The following TTC23 variants were observed in gnomAD, a reference collection of about 807,000 sequenced individuals.
TTC23 encodes the protein tetratricopeptide repeat domain 23.
In TTC23, 58 loss-of-function variants were observed where a neutral mutation model predicts 55.1. The ratio of observed to expected loss-of-function variants is 1.05; its 90% CI spans 0.85 to 1.31. The LOEUF (loss-of-function observed/expected upper bound fraction) is 1.31. Ranked by LOEUF, TTC23 falls within the 50% of genes most tolerant of loss-of-function variation. TTC23 has a pLI of 0.00. For synonymous variants in TTC23, 203 were observed against 199.9 expected, an observed-to-expected ratio of 1.02 and a Z score of -0.13; for missense variants, 516 against 534.4, an observed-to-expected ratio of 0.97 and a Z score of 0.34.
At chr15:99,178,500 C>G (rs993214539) in intron 9 of TTC23, among the ~76,000 whole-genome samples, 1 of 152,164 alleles carries the variant, frequency 6.6e-6, no homozygotes, top group Non-Finnish European at 1.5e-5. Context: ...AACTTATGTT[C>G]ATTTTTAAAT....
intron 11 of TTC23, chr15:99,159,776 C>G (rs985366260): frequency 1.3e-5 from 2 of 152,224 alleles, no homozygotes; most frequent in Non-Finnish European, 2.9e-5. Flanking sequence ...GTGGTCAGAT[C>G]TGCTTTTTGG....
intron 9 of TTC23, among the ~76,000 whole-genome samples, chr15:99,198,847 T>C (rs1214777497): frequency 6.6e-6 from 1 of 152,238 alleles, no homozygotes; most frequent in Non-Finnish European, 1.5e-5. Context: ...TGTCACTGTA[T>C]CTCACTTCAA....
intron 3 of TTC23, among the ~76,000 whole-genome samples, chr15:99,238,453 G>C (rs1353790717): frequency 6.6e-6 from 1 of 152,132 alleles, no homozygotes; most frequent in Non-Finnish European, 1.5e-5. Flanking sequence ...CAAGTGCTAA[G>C]ACTTCAGAAA....
At chr15:99,199,280 AAG>A (rs1233923308) in intron 9 of TTC23, among the ~76,000 whole-genome samples, 1 of 151,980 alleles carries the variant, frequency 6.6e-6, no homozygotes, top group Non-Finnish European at 1.5e-5. Context: ...TCAGTTCCTT[AAG>A]AGAGGCCGGA....
chr15:99,241,052 C>T (rs2079745822), intron 3 of TTC23, among the ~76,000 whole-genome samples: 1 of 152,178 alleles, frequency 6.6e-6, no homozygotes, highest in Admixed American at 6.5e-5. Context: ...CGCGGGGGCT[C>T]ATGCCTGTAA....
rs185144762 is a variant in TTC23, at chr15:99,242,825, T to C, written c.-308-1266A>G. ...AAACTTCCCCAACCTGATAAAAGGC[T>C]GATAAAAGCCTGATTTTACAAATCA... On this transcript the variant is annotated intron_variant, in intron 2 of 13. Transcript: ENST00000394132. 7.1e-4 allele frequency among the ~76,000 whole-genome samples: 108 copies of C among 152,296 alleles called. 1 individual carries two copies. The highest frequency in any genetic ancestry group is 1.4e-3 in the Non-Finnish European group (93 of 68,012).
At chr15:99,181,450 CGA>C (rs1448980695) in intron 9 of TTC23, among the ~76,000 whole-genome samples, 1 of 151,988 alleles carries the variant, frequency 6.6e-6, no homozygotes, top group Non-Finnish European at 1.5e-5. Flanking sequence ...TGTCGTCGAC[CGA>C]GAGTCTACGA....
intron 10 of TTC23, among the ~76,000 whole-genome samples, chr15:99,170,156 A>G (rs142603385): frequency 1.3e-5 from 2 of 152,254 alleles, no homozygotes; most frequent in Non-Finnish European, 2.9e-5. Context: ...ACATTCCAGG[A>G]GCCTGAATTG....
intron 12 of TTC23, chr15:99,148,387 A>AAAAAAAT (rs2069244293): frequency 6.8e-6 from 1 of 146,874 alleles, no homozygotes. Context: ...AAAAAAAAAA[A>AAAAAAAT]GACCTTCTTA....
chr15:99,139,100 A>C, intron 13 of TTC23: 1 of 666,816 alleles, frequency 1.5e-6, no homozygotes, highest in Non-Finnish European at 2.7e-6. Flanking sequence ...CATCCAGCAT[A>C]TATTTCTGAC....
chr15:99,141,423 G>A (rs1188291746), intron 12 of TTC23, among the ~76,000 whole-genome samples: 3 of 152,218 alleles, frequency 2.0e-5, no homozygotes, highest in Non-Finnish European at 4.4e-5. Context: ...ATTTAAAAAA[G>A]TAGTTATCTG....
chr15:99,183,424 C>A (rs1168298057), intron 9 of TTC23, among the ~76,000 whole-genome samples: 2 of 150,314 alleles, frequency 1.3e-5, no homozygotes, highest in African/African-American at 2.4e-5. Flanking sequence ...TGGGTTCAAG[C>A]GATTCTCCTG....
At chr15:99,195,536 T>G (rs2075623317) in intron 9 of TTC23, among the ~76,000 whole-genome samples, 1 of 152,194 alleles carries the variant, frequency 6.6e-6, no homozygotes, top group Admixed American at 6.5e-5. Context: ...GGCAGTTTGG[T>G]GGTTTCTTAC....
At chr15:99,178,180 CA>C (rs895375841) in intron 9 of TTC23, among the ~76,000 whole-genome samples, 2 of 151,786 alleles carry the variant, frequency 1.3e-5, no homozygotes, top group Non-Finnish European at 2.9e-5. Context: ...GACTCTGTCT[CA>C]AAAAATAAAA....
At chr15:99,223,801 G>A (rs947736090) in intron 5 of TTC23, among the ~76,000 whole-genome samples, 8 of 152,196 alleles carry the variant, frequency 5.3e-5, no homozygotes, top group African/African-American at 1.9e-4. Flanking sequence ...TGCAAAAACC[G>A]CAGGCTCATG....
At chr15:99,151,530 C>A (rs1193214361) in intron 12 of TTC23, 1 of 152,308 alleles carries the variant, frequency 6.6e-6, no homozygotes, top group African/African-American at 2.4e-5. Flanking sequence ...CAGAGAGCGC[C>A]CTCCTGGCAT....
At chr15:99,177,792 C>T (rs1288567899) in intron 9 of TTC23, among the ~76,000 whole-genome samples, 1 of 152,116 alleles carries the variant, frequency 6.6e-6, no homozygotes. Flanking sequence ...ATTTTCAAAT[C>T]AATAATTACA....
intron 8 of TTC23, among the ~76,000 whole-genome samples, chr15:99,214,491 G>C (rs890625678): frequency 8.1e-6 from 1 of 123,002 alleles, no homozygotes; most frequent in African/African-American, 3.3e-5. Flanking sequence ...CTGGGTGACA[G>C]AGTGAGACTG....
chr15:99,222,992 G>A (rs2861373), intron 5 of TTC23, among the ~76,000 whole-genome samples: 41,502 of 152,034 alleles, frequency 0.27, 7,186 homozygotes, highest in African/African-American at 0.5. Context: ...GCGAGACTCC[G>A]TCTCAAAACA....
Sources: gnomAD v4.1 joint callset for allele counts (sites outside exome capture counted in the v4.1 genomes callset) on GRCh38, gnomAD v4.1.1 for gene constraint, MANE v1.5 for transcripts, NCBI Gene and HGNC (gene_info 2026-07-23, HGNC 2026-07-21) for gene names.